Variants in NUP35 observed in about 807,000 individuals in gnomAD.
NUP35 encodes nucleoporin NUP35.
In NUP35, 25 loss-of-function variants were observed where a neutral mutation model predicts 41.5. That is an observed-to-expected ratio of 0.60 (90% CI 0.44 to 0.84). NUP35 has a LOEUF of 0.84. Among genes scored for constraint, NUP35 ranks in the 40% least tolerant of loss-of-function variants. The pLI is 0.00. For synonymous variants in NUP35, 149 were observed against 130.7 expected (o/e 1.14, Z -0.96); for missense variants, 396 against 396.6 (o/e 1.00, Z 0.01).
chr2:183,155,838 C>G (rs1685644643), intron 5 of NUP35, among the ~76,000 whole-genome samples: 1 of 152,158 alleles, frequency 6.6e-6, no homozygotes, highest in Non-Finnish European at 1.5e-5. Flanking sequence ...ACTTGAAGCA[C>G]TCCTAGTATT....
At chr2:183,130,592 T>A (rs200892704) in intron 3 of NUP35, 47 bp downstream of exon 3, 2 of 1,584,978 alleles carry the variant, frequency 1.3e-6, no homozygotes, top group East Asian at 4.5e-5. Flanking sequence ...ATCATGGTTT[T>A]ATGTGTCTGT....
At chr2:183,149,949 C>T (rs1279804428) in intron 4 of NUP35, among the ~76,000 whole-genome samples, 1 of 151,862 alleles carries the variant, frequency 6.6e-6, no homozygotes, top group African/African-American at 2.4e-5. Flanking sequence ...CTCTGTCACC[C>T]AGGGTGTAAT....
chr2:183,159,408 T>C (rs1376650531), intron 7 of NUP35, 80 bp from the exon 8 acceptor site: 2 of 1,066,550 alleles, frequency 1.9e-6, no homozygotes, highest in Non-Finnish European at 2.6e-6. Context: ...ATCTTTTAAT[T>C]AAATTTTCTA....
chr2:183,149,534 T>C (rs897602870), intron 4 of NUP35, among the ~76,000 whole-genome samples: 2 of 152,186 alleles, frequency 1.3e-5, no homozygotes, highest in African/African-American at 4.8e-5. Context: ...TCACATGAAG[T>C]TGCCTCTGGA....
Position 183,159,562 on chromosome 2 carries a change from A to G in NUP35, c.813A>G (p.Leu271=). ...CCTTTACACCACCAATCAAAACTCT[A>G]GGTACACCAACACAACCTGGAAGTA... ...SLAFTPPIKT[L]GTPTQPGSTP... Residue 271 remains leucine (L), a synonymous_variant, in exon 8 of 9, where the codon CTA becomes CTG. Transcript: ENST00000295119. The G allele has an allele frequency of 1.2e-6, 2 of 1,613,610 alleles. No individual in the cohort carries two copies. Among genetic ancestry groups the G allele is most frequent in the Non-Finnish European group, 1.7e-6 (2 of 1,179,680 alleles).
chr2:183,160,975 A>G (rs1685852715), intron 8 of NUP35, 79 bp from the exon 9 acceptor site: 1 of 1,052,542 alleles, frequency 9.5e-7, no homozygotes, highest in Non-Finnish European at 1.4e-6. Context: ...TTTCTCTTTT[A>G]AATGAGCAAT....
At chr2:183,121,953 C>T (rs997579931), upstream of NUP35, among the ~76,000 whole-genome samples, 2 of 72,256 alleles carry the variant, frequency 2.8e-5, no homozygotes, top group African/African-American at 6.8e-5. Context: ...TTCTAGGGTA[C>T]ATGTGCACAA....
intron 5 of NUP35, among the ~76,000 whole-genome samples, chr2:183,156,788 A>C (rs1416337530): frequency 6.6e-6 from 1 of 152,128 alleles, no homozygotes; most frequent in East Asian, 1.9e-4. Flanking sequence ...TTGTTTTCAA[A>C]TTGAAAACAG....
At chr2:183,147,777 A>G (rs1174736468) in intron 4 of NUP35, among the ~76,000 whole-genome samples, 1 of 152,196 alleles carries the variant, frequency 6.6e-6, no homozygotes, top group African/African-American at 2.4e-5. Flanking sequence ...GGTCATTTTA[A>G]TGATGCTGAT....
upstream of NUP35, among the ~76,000 whole-genome samples, chr2:183,122,123 C>G (rs576711693): frequency 1.1e-4 from 16 of 149,912 alleles, no homozygotes; most frequent in African/African-American, 3.4e-4. Flanking sequence ...TGTCGCCAGG[C>G]TGGAGTGCAG....
chr2:183,121,933 A>ATTATTAT (rs1553526836), upstream of NUP35, among the ~76,000 whole-genome samples: 3 of 149,736 alleles, frequency 2.0e-5, no homozygotes, highest in Non-Finnish European at 3.0e-5. Flanking sequence ...TATTATTATT[A>ATTATTAT]TACTTTAAGT....
At position 183,126,286 on chromosome 2, in the gene NUP35, C is replaced by T. The variant is rs1405211746; in HGVS notation, c.40+1789C>T. ...TCGAGCGATCCACCTGCCTCGGCCT[C>T]CCAAAATCCTGGGATTAGAGGCTTG... is the stretch of plus-strand genomic sequence containing the variant. On this transcript the variant is annotated intron_variant, in intron 1 of 8. Coordinates refer to ENST00000295119, the MANE Select transcript of NUP35 (RefSeq NM_138285.5). Among the ~76,000 whole-genome samples, 4 of 152,242 alleles carry T rather than the reference C, an allele frequency of 2.6e-5. No individual in the cohort carries two copies. In the East Asian group the frequency reaches 5.8e-4, roughly 22 times the overall value.
upstream of NUP35, among the ~76,000 whole-genome samples, chr2:183,120,521 G>T (rs1700053027): frequency 6.6e-6 from 1 of 151,846 alleles, no homozygotes; most frequent in South Asian, 2.1e-4. Flanking sequence ...GCAGGGAGAT[G>T]TAAGGAGTTG....
At chr2:183,150,042 G>A (rs999150632) in intron 4 of NUP35, among the ~76,000 whole-genome samples, 4 of 152,068 alleles carry the variant, frequency 2.6e-5, no homozygotes, top group African/African-American at 9.7e-5. Context: ...GAGGAGCTGG[G>A]ATTACAGGCA....
chr2:183,142,549 T>G (rs1283667178), intron 4 of NUP35, among the ~76,000 whole-genome samples: 1 of 151,936 alleles, frequency 6.6e-6, no homozygotes, highest in East Asian at 1.9e-4. Context: ...TGGCACAATC[T>G]CGGCTCACTG....
At chr2:183,157,563 T>G in intron 6 of NUP35, 50 bp downstream of exon 6, 1 of 1,254,538 alleles carries the variant, frequency 8.0e-7, no homozygotes, top group East Asian at 2.3e-5. Flanking sequence ...GAGGGATAAG[T>G]TGTGAATTGA....
intron 4 of NUP35, among the ~76,000 whole-genome samples, chr2:183,143,199 A>G (rs1409440914): frequency 6.6e-6 from 1 of 150,450 alleles, no homozygotes; most frequent in African/African-American, 2.4e-5. Context: ...CTGTTCTTTC[A>G]TAGGTAAAAT....
At chr2:183,134,389 A>T (rs1185776203) in intron 4 of NUP35, among the ~76,000 whole-genome samples, 1 of 152,212 alleles carries the variant, frequency 6.6e-6, no homozygotes, top group Non-Finnish European at 1.5e-5. Context: ...GAAAAAATTA[A>T]GCAGCAAAGG....
chr2:183,157,454 G>A lies in NUP35; in HGVS notation c.550G>A (p.Ala184Thr). ...SWVTVFGFPQ[A>T]SASYILLQFA... The stretch of plus-strand genomic sequence containing the variant: ...AACTCTTTTTTTCAGGTTTCCTCAA[G>A]CATCTGCTTCCTACATATTACTACA... The change falls in exon 6 of 9, where the codon GCA becomes ACA. Residue 184 changes from alanine to threonine, a missense_variant. Transcript: ENST00000295119. The A allele has an allele frequency of 1.2e-6, 2 of 1,611,722 alleles. No homozygotes were observed. Among genetic ancestry groups the A allele is most frequent in the Non-Finnish European group, 1.7e-6 (2 of 1,178,072 alleles).
Sources: gnomAD v4.1 joint callset for allele counts (sites outside exome capture counted in the v4.1 genomes callset) on GRCh38, gnomAD v4.1.1 for gene constraint, MANE v1.5 for transcripts, NCBI Gene and HGNC (gene_info 2026-07-23, HGNC 2026-07-21) for gene names.